SENP5: variants seen among roughly 807,000 people sequenced by gnomAD.
The protein encoded by SENP5 is sentrin-specific protease 5.
SENP5 carries 21 observed loss-of-function variants against 74.2 expected under a neutral mutation model. The ratio of observed to expected loss-of-function variants is 0.28; its 90% CI spans 0.20 to 0.41. The LOEUF is 0.41. Among genes scored for constraint, SENP5 ranks in the 10% least tolerant of loss-of-function variants. SENP5 has a pLI of 1.00. For synonymous variants in SENP5, 311 were observed against 312.7 expected, an observed-to-expected ratio of 0.99 and a Z score of 0.06; for missense variants, 717 against 889.1, an observed-to-expected ratio of 0.81 and a Z score of 2.46.
intron 8 of SENP5, among the ~76,000 whole-genome samples, chr3:196,928,766 A>G (rs1384521902): frequency 6.6e-6 from 1 of 152,248 alleles, no homozygotes; most frequent in Admixed American, 6.5e-5. Context: ...TGAATAACCT[A>G]GTATACCAGT....
intron 1 of SENP5, among the ~76,000 whole-genome samples, chr3:196,884,852 C>T (rs1170217481): frequency 6.6e-6 from 1 of 152,062 alleles, no homozygotes; most frequent in African/African-American, 2.4e-5. Context: ...CTTGGCTTCC[C>T]AGAGTGCTGG....
At chr3:196,906,059 A>C (rs1714889739) in intron 6 of SENP5, among the ~76,000 whole-genome samples, 1 of 152,156 alleles carries the variant, frequency 6.6e-6, no homozygotes, top group Non-Finnish European at 1.5e-5. Context: ...GTCTCTACTG[A>C]AAATACAAAA....
At chr3:196,914,586 A>AAATATATATATATATATAT in intron 6 of SENP5, 1 of 33,502 alleles carries the variant, frequency 3.0e-5, no homozygotes, top group African/African-American at 1.8e-4. Flanking sequence ...AAAAAAAAAA[A>AAATATATATATATATATAT]ATATATATAT....
intron 2 of SENP5, among the ~76,000 whole-genome samples, chr3:196,891,608 G>T (rs543538088): frequency 6.6e-6 from 1 of 152,226 alleles, no homozygotes; most frequent in African/African-American, 2.4e-5. Flanking sequence ...ATAGAGGGAT[G>T]TATATAGATT....
At chr3:196,882,581 A>G (rs946111578) in intron 1 of SENP5, among the ~76,000 whole-genome samples, 1 of 152,088 alleles carries the variant, frequency 6.6e-6, no homozygotes, top group Non-Finnish European at 1.5e-5. Context: ...TCAGTTCACC[A>G]CAACCTCTGC....
chr3:196,914,586 A>AAAAAAAAAAAT, intron 6 of SENP5: 2 of 33,502 alleles, frequency 6.0e-5, no homozygotes, highest in African/African-American at 3.6e-4. Flanking sequence ...AAAAAAAAAA[A>AAAAAAAAAAAT]ATATATATAT....
intron 8 of SENP5, 36 bp from the exon 9 acceptor site, chr3:196,929,597 A>G: frequency 7.3e-7 from 1 of 1,367,966 alleles, no homozygotes; most frequent in Non-Finnish European, 1.0e-6. Flanking sequence ...GAAGTAATGG[A>G]TCTTGTTTTA....
intron 5 of SENP5, 47 bp downstream of exon 5, chr3:196,900,459 T>TA: frequency 6.7e-7 from 1 of 1,491,402 alleles, no homozygotes; most frequent in Non-Finnish European, 9.1e-7. Flanking sequence ...TCTTGTGTAT[T>TA]AAAATGAGTA....
chr3:196,895,021 G>T (rs757318113), intron 2 of SENP5, among the ~76,000 whole-genome samples: 7 of 152,040 alleles, frequency 4.6e-5, no homozygotes, highest in African/African-American at 1.7e-4. Flanking sequence ...TGATGGGCCC[G>T]TTCTGAGGTA....
intron 6 of SENP5, chr3:196,914,586 A>AAAAAAAAAATAT: frequency 2.1e-4 from 7 of 33,500 alleles, no homozygotes; most frequent in East Asian, 8.1e-4. Context: ...AAAAAAAAAA[A>AAAAAAAAAATAT]ATATATATAT....
chr3:196,870,062 C>T (rs1713144507), intron 1 of SENP5, among the ~76,000 whole-genome samples: 1 of 152,118 alleles, frequency 6.6e-6, no homozygotes, highest in African/African-American at 2.4e-5. Context: ...GGGTTCTGTG[C>T]TTCTCTAGTT....
intron 1 of SENP5, among the ~76,000 whole-genome samples, chr3:196,872,185 G>A (rs910594689): frequency 6.6e-6 from 1 of 152,166 alleles, no homozygotes; most frequent in South Asian, 2.1e-4. Context: ...TCTAGTAAGA[G>A]TGTAAACCTT....
At position 196,931,116 on chromosome 3, in the gene SENP5, G is replaced by C; in HGVS notation, c.*193G>C. ...TGTACTATTGTTTAATGTTCAGTTT[G>C]GTTTCATTTTTAATTTTATGGTTCT... On this transcript the variant is annotated 3_prime_UTR_variant, in exon 10 of 10. Coordinates refer to ENST00000323460, the MANE Select transcript of SENP5 (RefSeq NM_152699.5). 1.8e-6 allele frequency: 1 copy of C among 545,966 alleles called. No homozygotes were observed. Among genetic ancestry groups the C allele is most frequent in the South Asian group, 2.4e-5 (1 of 42,238 alleles). 33.8% of individuals were successfully genotyped at this position (545,966 alleles called of 1,614,324 possible).
intron 2 of SENP5, among the ~76,000 whole-genome samples, chr3:196,897,156 G>A (rs1478225629): frequency 6.6e-6 from 1 of 152,126 alleles, no homozygotes; most frequent in Non-Finnish European, 1.5e-5. Flanking sequence ...TCAAAGTTGT[G>A]GGGCCTAAAG....
chr3:196,926,561 A>G (rs1195630696), intron 7 of SENP5, among the ~76,000 whole-genome samples: 2 of 151,310 alleles, frequency 1.3e-5, no homozygotes, highest in African/African-American at 4.9e-5. Context: ...GCAGTGCAAC[A>G]TGCTGTCATA....
chr3:196,876,878 TAAGA>T (rs1327650704), intron 1 of SENP5, among the ~76,000 whole-genome samples: 4 of 151,928 alleles, frequency 2.6e-5, no homozygotes, highest in East Asian at 3.9e-4. Flanking sequence ...CTCAAAAAAA[TAAGA>T]AAGAGAAAGA....
chr3:196,907,122 A>G (rs970263623), intron 6 of SENP5, among the ~76,000 whole-genome samples: 1 of 152,138 alleles, frequency 6.6e-6, no homozygotes, highest in Admixed American at 6.6e-5. Context: ...GGATTGTTCA[A>G]ATTTAAAATG....
intron 1 of SENP5, among the ~76,000 whole-genome samples, chr3:196,884,278 A>T (rs1158863082): frequency 1.3e-5 from 2 of 152,212 alleles, no homozygotes; most frequent in African/African-American, 4.8e-5. Flanking sequence ...AAATGCTCTC[A>T]CCCAGTGATG....
At position 196,932,052 on chromosome 3, in the gene SENP5, T is replaced by G. The variant is rs1716056685; in HGVS notation, c.*1129T>G. 3.0e-6 allele frequency: 1 copy of G among 334,166 alleles called. No homozygotes were observed. 20.7% of individuals were successfully genotyped at this position (334,166 alleles called of 1,614,324 possible). On this transcript the variant is annotated 3_prime_UTR_variant, in exon 10 of 10. Coordinates refer to ENST00000323460, the MANE Select transcript of SENP5 (RefSeq NM_152699.5). ...CGTCTGGCTTCTGCATGGCCAGTGC[T>G]GACACTAGCACAGCTGTTCTTCTCC...
Sources: allele counts gnomAD v4.1 joint callset (sites outside exome capture counted in the v4.1 genomes callset), GRCh38; gene constraint gnomAD v4.1.1; transcripts MANE v1.5; gene names NCBI Gene and HGNC (gene_info 2026-07-23, HGNC 2026-07-21).